The following CYP7B1 variants were observed in gnomAD, a reference collection of about 807,000 sequenced individuals.
CYP7B1 encodes cytochrome P450 7B1.
CYP7B1 carries 29 observed loss-of-function variants against 42.7 expected under a neutral mutation model. That is an observed-to-expected ratio of 0.68 (90% CI 0.51 to 0.93). The LOEUF (loss-of-function observed/expected upper bound fraction) is 0.93, where lower values mean the gene tolerates loss of function less well. Ranked by LOEUF, CYP7B1 falls within the 40% of genes least tolerant of loss-of-function variation. The pLI, the probability that CYP7B1 is intolerant of heterozygous loss-of-function variation, is 0.00. For missense variants in CYP7B1, 655 were observed against 600.5 expected (o/e 1.09, Z -0.95); for synonymous variants, 235 against 218.2 (o/e 1.08, Z -0.68).
At chr8:64,764,820 G>C (rs560466857) in intron 1 of CYP7B1, among the ~76,000 whole-genome samples, 4 of 152,278 alleles carry the variant, frequency 2.6e-5, no homozygotes, top group Admixed American at 2.0e-4. Context: ...TAAAAGGATA[G>C]TGCTATTCTG....
intron 1 of CYP7B1, among the ~76,000 whole-genome samples, chr8:64,650,637 G>A (rs1014661605): frequency 2.6e-5 from 4 of 152,130 alleles, no homozygotes; most frequent in Non-Finnish European, 4.4e-5. Context: ...GATAGAGCAA[G>A]ACTCTGTCTC....
intron 1 of CYP7B1, among the ~76,000 whole-genome samples, chr8:64,648,897 A>C (rs551670590): frequency 6.6e-6 from 1 of 152,314 alleles, no homozygotes; most frequent in Admixed American, 6.5e-5. Flanking sequence ...TCTAAAAATA[A>C]AATATGAATG....
intron 1 of CYP7B1, among the ~76,000 whole-genome samples, chr8:64,756,749 A>G (rs1197853912): frequency 6.6e-6 from 1 of 152,212 alleles, no homozygotes; most frequent in African/African-American, 2.4e-5. Flanking sequence ...TAAATGAGAA[A>G]ACTGAGACTC....
At chr8:64,774,023 G>C (rs1481214297) in intron 1 of CYP7B1, among the ~76,000 whole-genome samples, 1 of 152,118 alleles carries the variant, frequency 6.6e-6, no homozygotes, top group Non-Finnish European at 1.5e-5. Context: ...TCAAACCATA[G>C]CACCTAGTAC....
At chr8:64,711,473 C>G (rs777540793) in intron 1 of CYP7B1, among the ~76,000 whole-genome samples, 41 of 152,164 alleles carry the variant, frequency 2.7e-4, no homozygotes, top group Non-Finnish European at 4.1e-4. Flanking sequence ...GGAAGGCCAT[C>G]TGCCCAGTGT....
intron 1 of CYP7B1, among the ~76,000 whole-genome samples, chr8:64,704,302 C>T (rs759025421): frequency 6.6e-5 from 10 of 151,984 alleles, no homozygotes; most frequent in Non-Finnish European, 1.0e-4. Context: ...TCAATCAAAC[C>T]TGGCATTCCA....
chr8:64,672,348 T>C (rs1303970592), intron 1 of CYP7B1, among the ~76,000 whole-genome samples: 2 of 152,022 alleles, frequency 1.3e-5, no homozygotes, highest in Admixed American at 1.3e-4. Context: ...TCTGACTCAT[T>C]TGAAAGCAAT....
At chr8:64,786,212 C>T (rs1025505204) in intron 1 of CYP7B1, among the ~76,000 whole-genome samples, 1 of 152,146 alleles carries the variant, frequency 6.6e-6, no homozygotes, top group Non-Finnish European at 1.5e-5. Flanking sequence ...ACAATCATGC[C>T]TTTTCAACAG....
chr8:64,737,411 CA>C (rs1181425994), intron 1 of CYP7B1, among the ~76,000 whole-genome samples: 2 of 152,282 alleles, frequency 1.3e-5, no homozygotes, highest in South Asian at 4.1e-4. Flanking sequence ...TGTAAAATCT[CA>C]AATAGCAAAA....
At chr8:64,660,491 G>A (rs1429760397) in intron 1 of CYP7B1, among the ~76,000 whole-genome samples, 1 of 152,188 alleles carries the variant, frequency 6.6e-6, no homozygotes, top group African/African-American at 2.4e-5. Flanking sequence ...AGGCTTGACA[G>A]AGCTGAGTTG....
At chr8:64,623,545 G>C (rs980950170) in intron 2 of CYP7B1, among the ~76,000 whole-genome samples, 2 of 152,140 alleles carry the variant, frequency 1.3e-5, no homozygotes, top group Non-Finnish European at 2.9e-5. Flanking sequence ...GCAATCAATA[G>C]CTGATACAGC....
chr8:64,748,226 G>A (rs960466696), intron 1 of CYP7B1, among the ~76,000 whole-genome samples: 1 of 152,154 alleles, frequency 6.6e-6, no homozygotes, highest in Non-Finnish European at 1.5e-5. Flanking sequence ...GAGCAGCAAA[G>A]CAGAAGGTGG....
chr8:64,634,432 C>T (rs1264501881), intron 1 of CYP7B1, among the ~76,000 whole-genome samples: 11 of 150,966 alleles, frequency 7.3e-5, no homozygotes, highest in Non-Finnish European at 1.2e-4. Flanking sequence ...AAAAAAAATT[C>T]GCCGGGCATG....
intron 1 of CYP7B1, among the ~76,000 whole-genome samples, chr8:64,795,249 T>C (rs1804686763): frequency 6.6e-6 from 1 of 152,186 alleles, no homozygotes; most frequent in Admixed American, 6.5e-5. Flanking sequence ...ATAATCCCAT[T>C]TATATGAAGT....
At chr8:64,796,319 AC>A (rs1179977647) in intron 1 of CYP7B1, among the ~76,000 whole-genome samples, 4 of 152,214 alleles carry the variant, frequency 2.6e-5, no homozygotes, top group Non-Finnish European at 5.9e-5. Flanking sequence ...TAGAAAAAGA[AC>A]CCAATAGAAA....
intron 5 of CYP7B1, among the ~76,000 whole-genome samples, chr8:64,604,204 C>T (rs567678376): frequency 1.2e-4 from 18 of 152,300 alleles, no homozygotes; most frequent in African/African-American, 3.8e-4. Context: ...AGAAGGGGCA[C>T]ATACCTTTCA....
intron 4 of CYP7B1, among the ~76,000 whole-genome samples, chr8:64,606,183 T>C (rs1486899964): frequency 6.6e-6 from 1 of 152,178 alleles, no homozygotes; most frequent in Non-Finnish European, 1.5e-5. Context: ...GCCTTCGTTA[T>C]TATAATCAGG....
chr8:64,779,033 T>C (rs1322598859), intron 1 of CYP7B1, among the ~76,000 whole-genome samples: 1 of 152,138 alleles, frequency 6.6e-6, no homozygotes, highest in Non-Finnish European at 1.5e-5. Flanking sequence ...TTTTAAAAAG[T>C]CCAAATGTGT....
At chr8:64,629,444 T>C (rs1805657172) in intron 1 of CYP7B1, among the ~76,000 whole-genome samples, 1 of 152,204 alleles carries the variant, frequency 6.6e-6, no homozygotes, top group South Asian at 2.1e-4. Context: ...ATGTAATATA[T>C]TTGTATTAGG....
Sources: allele counts gnomAD v4.1 joint callset (sites outside exome capture counted in the v4.1 genomes callset), GRCh38; gene constraint gnomAD v4.1.1; transcripts MANE v1.5; gene names NCBI Gene and HGNC (gene_info 2026-07-23, HGNC 2026-07-21).